Variants in NEBL observed in about 807,000 individuals in gnomAD.
NEBL encodes the protein LIM and SH3 protein 2.
In NEBL, 122 loss-of-function variants were observed where a neutral mutation model predicts 140.2. The ratio of observed to expected loss-of-function variants is 0.87; its 90% CI spans 0.75 to 1.01. The LOEUF (loss-of-function observed/expected upper bound fraction) is 1.01. NEBL is among the 50% of genes least tolerant of loss of function. The pLI is 0.00. For synonymous variants in NEBL, 436 were observed against 398.9 expected (o/e 1.09, Z -1.11); for missense variants, 1,365 against 1,231.3 (o/e 1.11, Z -1.62).
intron 1 of NEBL, among the ~76,000 whole-genome samples, chr10:21,274,536 G>C (rs902644284): frequency 1.3e-5 from 2 of 151,954 alleles, no homozygotes; most frequent in Non-Finnish European, 2.9e-5. Context: ...AACAATTCTC[G>C]TGCCTCAGCC....
rs143129743 is a variant in NEBL, at chr10:20,872,421, C to T, written c.481-2580G>A. On this transcript the variant is annotated intron_variant, in intron 5 of 27. Transcript: ENST00000377122. ...AGGAAAGGGGGCTTATGTTGGGGGACATTCAAGAGGGTGACACTCTTGATG... is the reference window on the plus strand; with the variant it reads ...AGGAAAGGGGGCTTATGTTGGGGGATATTCAAGAGGGTGACACTCTTGATG... Among the ~76,000 whole-genome samples the T allele has an allele frequency of 4.8e-3, 724 of 152,192 alleles. 4 individuals are homozygous for T. Among genetic ancestry groups the T allele is most frequent in the Middle Eastern group, 0.017 (5 of 294 alleles).
chr10:20,961,814 G>T, intron 3 of NEBL: 1 of 1,518,794 alleles, frequency 6.6e-7, no homozygotes, highest in East Asian at 2.3e-5. Context: ...GTGAACAGAG[G>T]GATCACGAAT....
intron 4 of NEBL, among the ~76,000 whole-genome samples, chr10:20,936,717 T>C (rs894487112): frequency 2.0e-5 from 3 of 152,216 alleles, no homozygotes; most frequent in African/African-American, 7.2e-5. Flanking sequence ...TTCAATTTTC[T>C]TTAGGATTAC....
At chr10:21,081,276 AC>A (rs1836356416) in intron 2 of NEBL, among the ~76,000 whole-genome samples, 1 of 152,174 alleles carries the variant, frequency 6.6e-6, no homozygotes, top group African/African-American at 2.4e-5. Context: ...CAATGGGGCC[AC>A]CATTTGAGTT....
chr10:21,038,333 G>A (rs1834101287), intron 2 of NEBL, among the ~76,000 whole-genome samples: 1 of 152,112 alleles, frequency 6.6e-6, no homozygotes. Context: ...CATGCATTAG[G>A]TATTTCTCCT....
At chr10:20,814,687 A>C (rs1588669858) in intron 22 of NEBL, among the ~76,000 whole-genome samples, 1 of 152,008 alleles carries the variant, frequency 6.6e-6, no homozygotes, top group Admixed American at 6.6e-5. Context: ...AAAACTATTA[A>C]ATAGAACCCA....
intron 2 of NEBL, among the ~76,000 whole-genome samples, chr10:21,080,925 C>T (rs1318397360): frequency 6.6e-6 from 1 of 152,128 alleles, no homozygotes; most frequent in Non-Finnish European, 1.5e-5. Flanking sequence ...ACAATCTCAG[C>T]TCACTGTTAA....
intron 3 of NEBL, among the ~76,000 whole-genome samples, chr10:21,012,044 G>A (rs1838360808): frequency 6.6e-6 from 1 of 152,210 alleles, no homozygotes; most frequent in African/African-American, 2.4e-5. Flanking sequence ...ACATTTTGTG[G>A]GGTGGTTTTC....
chr10:20,971,220 C>A (rs1234519314), intron 3 of NEBL, among the ~76,000 whole-genome samples: 1 of 152,132 alleles, frequency 6.6e-6, no homozygotes, highest in Non-Finnish European at 1.5e-5. Flanking sequence ...AATACTAATT[C>A]AAGGCAAAAT....
At chr10:21,270,102 C>A (rs944219228) in intron 1 of NEBL, among the ~76,000 whole-genome samples, 1 of 152,112 alleles carries the variant, frequency 6.6e-6, no homozygotes, top group Non-Finnish European at 1.5e-5. Context: ...TACTTGTATC[C>A]CCAAAGCAAA....
At chr10:21,129,061 C>T (rs1333110901) in intron 2 of NEBL, among the ~76,000 whole-genome samples, 1 of 152,128 alleles carries the variant, frequency 6.6e-6, no homozygotes, top group Non-Finnish European at 1.5e-5. Flanking sequence ...GCTAAATTAT[C>T]CTTCAGAAGT....
chr10:20,944,467 C>T (rs914788833), intron 4 of NEBL, among the ~76,000 whole-genome samples: 4 of 151,820 alleles, frequency 2.6e-5, no homozygotes, highest in African/African-American at 9.7e-5. Flanking sequence ...ACCAGAACAC[C>T]CCACATTGCA....
intron 3 of NEBL, among the ~76,000 whole-genome samples, chr10:21,194,060 G>A (rs762891210): frequency 1.3e-5 from 2 of 152,064 alleles, no homozygotes; most frequent in South Asian, 2.1e-4. Flanking sequence ...CTGCAGTCTC[G>A]AACTCCTGGG....
At chr10:21,009,245 T>C (rs1589132492) in intron 3 of NEBL, among the ~76,000 whole-genome samples, 2 of 152,328 alleles carry the variant, frequency 1.3e-5, no homozygotes, top group African/African-American at 4.8e-5. Flanking sequence ...TTACTATATT[T>C]CACTTTTTTG....
At chr10:20,936,414 A>G (rs1421313116) in intron 4 of NEBL, among the ~76,000 whole-genome samples, 2 of 152,214 alleles carry the variant, frequency 1.3e-5, no homozygotes, top group Non-Finnish European at 2.9e-5. Flanking sequence ...TGCAAATGGA[A>G]CCTAAAAAAT....
chr10:21,106,056 T>A (rs978714235), intron 2 of NEBL, among the ~76,000 whole-genome samples: 1 of 152,074 alleles, frequency 6.6e-6, no homozygotes, highest in Non-Finnish European at 1.5e-5. Flanking sequence ...CTGGTAAATT[T>A]GTTTAAGTTC....
chr10:21,135,811 C>T (rs114214529), intron 2 of NEBL, among the ~76,000 whole-genome samples: 269 of 152,206 alleles, frequency 1.8e-3, no homozygotes, highest in African/African-American at 5.8e-3. Flanking sequence ...CAGTGGTCAC[C>T]CTACTTTTCT....
intron 13 of NEBL, among the ~76,000 whole-genome samples, chr10:20,838,715 A>G (rs1340935157): frequency 6.6e-6 from 1 of 152,144 alleles, no homozygotes; most frequent in Non-Finnish European, 1.5e-5. Flanking sequence ...TATTTTAAGG[A>G]ATGGCCACAG....
At chr10:21,128,684 A>G (rs1838955399) in intron 2 of NEBL, among the ~76,000 whole-genome samples, 1 of 152,228 alleles carries the variant, frequency 6.6e-6, no homozygotes, top group Non-Finnish European at 1.5e-5. Flanking sequence ...GACCAACAAG[A>G]GAACATCATC....
Sources: allele counts gnomAD v4.1 joint callset (sites outside exome capture counted in the v4.1 genomes callset), GRCh38; gene constraint gnomAD v4.1.1; transcripts MANE v1.5; gene names NCBI Gene and HGNC (gene_info 2026-07-23, HGNC 2026-07-21).